The following PDE4D variants were observed in gnomAD, a reference collection of about 807,000 sequenced individuals.
The protein encoded by PDE4D is 3',5'-cyclic-AMP phosphodiesterase 4D.
In PDE4D, 24 loss-of-function variants were observed where a neutral mutation model predicts 87.4. That is an observed-to-expected ratio of 0.27 (90% CI 0.20 to 0.39). The LOEUF is 0.39. PDE4D is among the 10% of genes least tolerant of loss of function. The probability of loss-of-function intolerance (pLI) is 1.00; values close to 1 mark genes in which losing one functional copy is unlikely to be tolerated. For synonymous variants in PDE4D, 384 were observed against 383.2 expected, an observed-to-expected ratio of 1.00 and a Z score of -0.02; for missense variants, 714 against 1,041.0, an observed-to-expected ratio of 0.69 and a Z score of 4.32.
chr5:60,135,753 G>A (rs1779980387), intron 2 of PDE4D, among the ~76,000 whole-genome samples: 1 of 152,054 alleles, frequency 6.6e-6, no homozygotes, highest in South Asian at 2.1e-4. Flanking sequence ...CTATAGAGGA[G>A]TGCATATCCT....
chr5:60,141,580 T>A (rs562575332), intron 2 of PDE4D, among the ~76,000 whole-genome samples: 9 of 152,122 alleles, frequency 5.9e-5, no homozygotes, highest in Non-Finnish European at 4.4e-5. Flanking sequence ...TATGGGCTAA[T>A]AACAAGAGCT....
intron 2 of PDE4D, among the ~76,000 whole-genome samples, chr5:60,112,594 A>C (rs1217968993): frequency 6.6e-6 from 1 of 152,104 alleles, no homozygotes; most frequent in African/African-American, 2.4e-5. Flanking sequence ...TATTTTGAAA[A>C]CTATACTTCA....
intron 2 of PDE4D, among the ~76,000 whole-genome samples, chr5:60,090,248 G>A (rs960585720): frequency 6.6e-6 from 1 of 152,108 alleles, no homozygotes; most frequent in South Asian, 2.1e-4. Context: ...CTACAGGTCA[G>A]TATCAGTGAT....
intron 1 of PDE4D, among the ~76,000 whole-genome samples, chr5:60,421,086 G>A (rs377683871): frequency 2.7e-4 from 41 of 152,378 alleles, no homozygotes; most frequent in African/African-American, 9.9e-4. Flanking sequence ...TGCCTCTATA[G>A]ACTCCACCTC....
chr5:59,895,883 C>T (rs1751584608), upstream of PDE4D, among the ~76,000 whole-genome samples: 1 of 152,156 alleles, frequency 6.6e-6, no homozygotes, highest in Non-Finnish European at 1.5e-5. Context: ...TTCCTTTTTA[C>T]TCATGAAAAC....
rs2153338210 is a variant in PDE4D at position 58,989,736 on chromosome 5, A to C, written c.1452+19T>G. On this transcript the variant is annotated intron_variant, in intron 10 of 14. Transcript: ENST00000340635. ...TGAGTGGCAAGTTAGTGTTCTTGAA[A>C]TTTCAGAAACAGATTTACCTCCAAA... 3 of 1,559,816 alleles carry C rather than the reference A, an allele frequency of 1.9e-6. No individual in the cohort carries two copies. The East Asian group carries it at 6.9e-5, about 36-fold the overall frequency.
At chr5:59,221,599 T>C (rs1561745135) in intron 1 of PDE4D, among the ~76,000 whole-genome samples, 1 of 152,052 alleles carries the variant, frequency 6.6e-6, no homozygotes, top group Non-Finnish European at 1.5e-5. Context: ...GTCACTGCAC[T>C]CCAGCTTGGG....
rs192123659 is a variant in PDE4D at position 59,679,168 on chromosome 5, C to T, written c.455+214000G>A. ...AATCGGCCTCTCATAATAACTCAAT[C>T]CTTATTTTTATAACTCTGCAATCAG... On this transcript the variant is annotated intron_variant, in intron 1 of 14. Coordinates refer to ENST00000340635, the MANE Select transcript of PDE4D (RefSeq NM_001104631.2). Among the ~76,000 whole-genome samples the T allele has an allele frequency of 2.6e-5, 4 of 152,242 alleles. No homozygotes were observed. The East Asian group carries it at 5.8e-4, about 22-fold the overall frequency.
chr5:59,324,606 T>C (rs1775316729), intron 1 of PDE4D, among the ~76,000 whole-genome samples: 1 of 152,122 alleles, frequency 6.6e-6, no homozygotes, highest in Admixed American at 6.6e-5. Context: ...GTTATCTGCA[T>C]GTAATAGGTG....
Position 60,338,209 on chromosome 5 carries a change from C to T in PDE4D, c.-90+149733G>A, listed in dbSNP as rs777813629. Reference sequence around the variant, plus strand: ...AATTCTTGCTTGCCGTAACAGAAACCGGCCTTGGCTAGCTGGAGGAGAAAA... The same window carrying T: ...AATTCTTGCTTGCCGTAACAGAAACTGGCCTTGGCTAGCTGGAGGAGAAAA... On this transcript the variant is annotated intron_variant, in intron 1 of 16. Coordinates refer to the PDE4D transcript ENST00000502484. Among the ~76,000 whole-genome samples, 7 of 152,270 alleles carry T rather than the reference C, an allele frequency of 4.6e-5. No homozygotes were observed. The East Asian group carries it at 5.8e-4, about 13-fold the overall frequency.
chr5:60,381,300 T>C (rs79927184), intron 1 of PDE4D, among the ~76,000 whole-genome samples: 1 of 152,176 alleles, frequency 6.6e-6, no homozygotes, highest in African/African-American at 2.4e-5. Context: ...ACTTTGCATA[T>C]GTCACACGGT....
At chr5:59,683,873 CA>C (rs1408801223) in intron 1 of PDE4D, among the ~76,000 whole-genome samples, 1 of 152,116 alleles carries the variant, frequency 6.6e-6, no homozygotes, top group Non-Finnish European at 1.5e-5. Context: ...TTTTGTCATT[CA>C]GCCTGGCCCA....
chr5:59,232,947 C>T (rs1755562690), intron 1 of PDE4D, among the ~76,000 whole-genome samples: 1 of 151,852 alleles, frequency 6.6e-6, no homozygotes, highest in Admixed American at 6.6e-5. Context: ...CATAGAAACA[C>T]AAATATGGCA....
intron 5 of PDE4D, among the ~76,000 whole-genome samples, chr5:59,169,547 G>A (rs965474327): frequency 1.3e-5 from 2 of 152,138 alleles, no homozygotes; most frequent in South Asian, 2.1e-4. Context: ...CCAGGATGAC[G>A]AAGTCAGCAC....
intron 6 of PDE4D, among the ~76,000 whole-genome samples, chr5:59,037,788 T>C (rs1348559390): frequency 6.6e-6 from 1 of 152,062 alleles, no homozygotes; most frequent in African/African-American, 2.4e-5. Flanking sequence ...CGTGGCCTTT[T>C]TGTAAAAACT....
At chr5:59,414,768 G>GCC (rs1793303711) in intron 1 of PDE4D, among the ~76,000 whole-genome samples, 1 of 152,146 alleles carries the variant, frequency 6.6e-6, no homozygotes, top group African/African-American at 2.4e-5. Context: ...TCTGTGTAGG[G>GCC]CTTAGAGCCC....
intron 1 of PDE4D, among the ~76,000 whole-genome samples, chr5:59,569,565 G>C (rs375149156): frequency 6.6e-6 from 1 of 152,050 alleles, no homozygotes; most frequent in South Asian, 2.1e-4. Context: ...TCGCCACCTG[G>C]ACCAATGCAG....
chr5:59,732,320 C>G (rs745675710), intron 1 of PDE4D, among the ~76,000 whole-genome samples: 1 of 151,320 alleles, frequency 6.6e-6, no homozygotes, highest in Non-Finnish European at 1.5e-5. Flanking sequence ...TCTATGCTTA[C>G]ACCTTTTGTA....
At chr5:59,196,487 G>A (rs1745480345) in intron 2 of PDE4D, among the ~76,000 whole-genome samples, 1 of 152,168 alleles carries the variant, frequency 6.6e-6, no homozygotes, top group African/African-American at 2.4e-5. Flanking sequence ...TGTCATATAG[G>A]TAAATATAGG....
Sources: allele counts gnomAD v4.1 joint callset (sites outside exome capture counted in the v4.1 genomes callset), GRCh38; gene constraint gnomAD v4.1.1; transcripts MANE v1.5; gene names NCBI Gene and HGNC (gene_info 2026-07-23, HGNC 2026-07-21).